The following MAGI2 variants were observed in gnomAD, a reference collection of about 807,000 sequenced individuals.
MAGI2 encodes membrane associated guanylate kinase, WW and PDZ domain containing 2.
Under a neutral mutation model 133.3 loss-of-function variants are expected in MAGI2, and 35 were observed. The ratio of observed to expected loss-of-function variants is 0.26; its 90% CI spans 0.20 to 0.35. The LOEUF (loss-of-function observed/expected upper bound fraction) is 0.35, where lower values mean the gene tolerates loss of function less well. MAGI2 is among the 10% of genes least tolerant of loss of function. MAGI2 has a pLI of 1.00. For synonymous variants in MAGI2, 729 were observed against 710.6 expected (o/e 1.03, Z -0.41); for missense variants, 1,636 against 1,863.4 (o/e 0.88, Z 2.25).
intron 6 of MAGI2, among the ~76,000 whole-genome samples, chr7:78,391,803 T>C (rs1371291546): frequency 6.6e-6 from 1 of 152,264 alleles, no homozygotes; most frequent in African/African-American, 2.4e-5. Context: ...GCATTCACTA[T>C]AGGTAATTTC....
chr7:79,171,770 A>ATATTT, intron 1 of MAGI2, among the ~76,000 whole-genome samples: 6 of 31,228 alleles, frequency 1.9e-4, no homozygotes, highest in Non-Finnish European at 3.3e-4. Flanking sequence ...ATATATATAT[A>ATATTT]TTTTTTTTTT....
At chr7:78,649,484 A>G (rs1811314953) in intron 2 of MAGI2, among the ~76,000 whole-genome samples, 1 of 152,126 alleles carries the variant, frequency 6.6e-6, no homozygotes, top group Admixed American at 6.5e-5. Flanking sequence ...GACAGCCGCT[A>G]AAAGTTGTTC....
chr7:79,190,757 T>C (rs1419638488), intron 1 of MAGI2, among the ~76,000 whole-genome samples: 2 of 151,862 alleles, frequency 1.3e-5, no homozygotes, highest in Non-Finnish European at 2.9e-5. Flanking sequence ...TTTGGTACCA[T>C]GCTCTGGGAT....
At chr7:79,116,943 C>A (rs1185281126) in intron 1 of MAGI2, among the ~76,000 whole-genome samples, 1 of 152,102 alleles carries the variant, frequency 6.6e-6, no homozygotes, top group Non-Finnish European at 1.5e-5. Flanking sequence ...CCAATTAAAG[C>A]TTTTTTCTTT....
chr7:78,968,858 C>T (rs1416579198), intron 2 of MAGI2, among the ~76,000 whole-genome samples: 1 of 152,000 alleles, frequency 6.6e-6, no homozygotes, highest in African/African-American at 2.4e-5. Context: ...ATTTTCTTTG[C>T]AAATTCAGCT....
At chr7:78,762,565 A>G (rs896496067) in intron 2 of MAGI2, among the ~76,000 whole-genome samples, 6 of 152,254 alleles carry the variant, frequency 3.9e-5, no homozygotes, top group Admixed American at 6.5e-5. Flanking sequence ...CGCTATGTGA[A>G]CAAGAAGAGG....
In MAGI2 at chr7:79,294,783, G is replaced by C. The variant is rs1333193974; in HGVS notation, c.301+158237C>G. Among the ~76,000 whole-genome samples, 72 of 138,762 alleles carry C rather than the reference G, an allele frequency of 5.2e-4. 1 individual carries two copies. Among genetic ancestry groups the C allele is most frequent in the African/African-American group, 1.9e-3 (71 of 37,002 alleles). The allele number at this position is 138,762 out of a possible 152,430, so 91.0% of individuals were successfully genotyped here. A position where few individuals can be genotyped will look rare whatever the true frequency, so the allele number is the denominator to read the frequency against. On this transcript the variant is annotated intron_variant, in intron 1 of 21. Coordinates refer to ENST00000354212, the MANE Select transcript of MAGI2 (RefSeq NM_012301.4). ...CTCACTCTGTTACTCGGGCTGGAGT[G>C]CAGGGGCGCAATCTCGGCTCACTGC...
chr7:78,747,464 C>A (rs1284486551), intron 2 of MAGI2, among the ~76,000 whole-genome samples: 2 of 151,750 alleles, frequency 1.3e-5, no homozygotes, highest in Non-Finnish European at 2.9e-5. Context: ...GTGATAAAAC[C>A]CTTAGAAACA....
At chr7:78,597,007 C>A (rs114330176) in intron 3 of MAGI2, among the ~76,000 whole-genome samples, 205 of 152,220 alleles carry the variant, frequency 1.3e-3, no homozygotes, top group African/African-American at 4.7e-3. Flanking sequence ...CATACCTCTC[C>A]CACGTTTGGA....
chr7:78,910,263 C>CTTTT (rs71085572), intron 2 of MAGI2, among the ~76,000 whole-genome samples: 1,718 of 128,038 alleles, frequency 0.013, 16 homozygotes, highest in Non-Finnish European at 0.017. Context: ...TAAAGTAATT[C>CTTTT]TTTTTTTTTT....
At chr7:78,873,478 G>A (rs759766104) in intron 2 of MAGI2, among the ~76,000 whole-genome samples, 3 of 152,068 alleles carry the variant, frequency 2.0e-5, no homozygotes, top group Admixed American at 6.6e-5. Context: ...GATCTAGGAT[G>A]TGAGCTCCTT....
At chr7:78,689,916 G>A (rs1293652452) in intron 2 of MAGI2, among the ~76,000 whole-genome samples, 1 of 151,346 alleles carries the variant, frequency 6.6e-6, no homozygotes. Context: ...TATTTCTTTT[G>A]GTTAAACCAA....
intron 2 of MAGI2, among the ~76,000 whole-genome samples, chr7:78,807,566 T>G (rs1173648129): frequency 6.6e-6 from 1 of 152,138 alleles, no homozygotes; most frequent in Admixed American, 6.6e-5. Flanking sequence ...ATTTGTATTA[T>G]TATTAGTATT....
intron 3 of MAGI2, chr7:78,615,183 G>A (rs1471706191): frequency 1.3e-5 from 2 of 152,238 alleles, no homozygotes; most frequent in Middle Eastern, 3.4e-3. Context: ...TTAATGGTTT[G>A]CTGCTACACT....
intron 1 of MAGI2, among the ~76,000 whole-genome samples, chr7:79,119,312 C>T (rs1819676030): frequency 6.6e-6 from 1 of 152,048 alleles, no homozygotes; most frequent in African/African-American, 2.4e-5. Flanking sequence ...AACAGCATTT[C>T]AAAGCAACGG....
intron 4 of MAGI2, among the ~76,000 whole-genome samples, chr7:78,504,730 T>G (rs1381588643): frequency 1.3e-5 from 2 of 152,178 alleles, no homozygotes; most frequent in African/African-American, 4.8e-5. Context: ...ATAATACTAT[T>G]TTTTGCAATA....
intron 1 of MAGI2, among the ~76,000 whole-genome samples, chr7:79,109,405 G>A (rs1027507580): frequency 4.6e-5 from 7 of 152,186 alleles, no homozygotes; most frequent in African/African-American, 1.2e-4. Context: ...CAGAGGGCTT[G>A]GCTGCATTGT....
chr7:78,815,180 T>G (rs1039878507), intron 2 of MAGI2, among the ~76,000 whole-genome samples: 1 of 152,182 alleles, frequency 6.6e-6, no homozygotes, highest in Non-Finnish European at 1.5e-5. Context: ...GTCAATATTT[T>G]TGCACTTCAA....
intron 9 of MAGI2, among the ~76,000 whole-genome samples, chr7:78,285,281 C>T (rs1219538946): frequency 6.6e-6 from 1 of 152,088 alleles, no homozygotes. Context: ...CCTTTGTATC[C>T]TTAGATTTTT....
Sources: gnomAD v4.1 joint callset for allele counts (sites outside exome capture counted in the v4.1 genomes callset) on GRCh38, gnomAD v4.1.1 for gene constraint, MANE v1.5 for transcripts, NCBI Gene and HGNC (gene_info 2026-07-23, HGNC 2026-07-21) for gene names.